Variants in WASHC2A observed in about 807,000 individuals in gnomAD.
WASHC2A encodes the protein WASH complex subunit FAM21A.
A neutral mutation model predicts 140.3 loss-of-function variants in WASHC2A; 82 were observed. The ratio of observed to expected loss-of-function variants is 0.58; its 90% confidence interval spans 0.49 to 0.70. WASHC2A has a LOEUF of 0.70. WASHC2A is among the 30% of genes least tolerant of loss of function. The pLI, the probability that WASHC2A is intolerant of heterozygous loss-of-function variation, is 0.00. For missense variants in WASHC2A, 985 were observed against 1,521.8 expected (o/e 0.65, Z 5.87); for synonymous variants, 340 against 560.8 (o/e 0.61, Z 5.56).
intron 17 of WASHC2A, among the ~76,000 whole-genome samples, chr10:50,103,723 A>AT (rs1190427904): frequency 2.6e-4 from 39 of 152,004 alleles, no homozygotes; most frequent in African/African-American, 8.7e-4. Context: ...TTATATATTT[A>AT]TTTTTTTAGC....
intron 3 of WASHC2A, among the ~76,000 whole-genome samples, chr10:50,070,269 G>A (rs1347373947): frequency 6.6e-6 from 1 of 152,092 alleles, no homozygotes; most frequent in Admixed American, 6.6e-5. Context: ...GAATACATAG[G>A]TAAATTAGAT....
In WASHC2A at chr10:50,072,660, T is replaced by C. The variant is rs1354594881; in HGVS notation, c.291+2949T>C. Among the ~76,000 whole-genome samples, 14 of 152,012 alleles carry C rather than the reference T, an allele frequency of 9.2e-5. 1 individual carries two copies. The highest frequency in any genetic ancestry group is 3.4e-4 in the African/African-American group (14 of 41,462). On this transcript the variant is annotated intron_variant, in intron 3 of 30. Transcript: ENST00000282633. ...CGCCACCACACCTGGCTAATTTTTT[T>C]TGCATTTTTAGTAGAGATGGGGTTT...
In WASHC2A at chr10:50,095,627, C is replaced by A; in HGVS notation, c.1269C>A (p.Ser423=). ...LGDTDVFGAA[S]VPSMKEPQKP... ...ACACGGATGTGTTTGGTGCTGCCTC[C>A]GTTCCATCAATGAAGGAGCCACAGA... Residue 423 remains serine, a synonymous_variant, in exon 15 of 31, where the codon TCC becomes TCA. Coordinates refer to ENST00000282633, the MANE Select transcript of WASHC2A (RefSeq NM_001005751.3). The A allele has an allele frequency of 3.1e-6, 5 of 1,611,880 alleles. No homozygotes were observed. The highest frequency in any genetic ancestry group is 4.2e-6 in the Non-Finnish European group (5 of 1,179,840).
chr10:50,098,041 A>G (rs1840666082), intron 16 of WASHC2A, among the ~76,000 whole-genome samples: 2 of 151,518 alleles, frequency 1.3e-5, no homozygotes, highest in African/African-American at 4.8e-5. Context: ...TTTTTCCTGA[A>G]CTATTTGCAT....
chr10:50,070,592 A>AT (rs1837711961), intron 3 of WASHC2A, among the ~76,000 whole-genome samples: 1 of 147,736 alleles, frequency 6.8e-6, no homozygotes, highest in Non-Finnish European at 1.5e-5. Context: ...ATGTTTGTGC[A>AT]TTTTTTAATA....
Position 50,132,931 on chromosome 10 carries a change from T to A in WASHC2A, c.4012T>A (p.Phe1338Ile). 5 of 1,612,036 alleles carry A rather than the reference T, an allele frequency of 3.1e-6. No homozygotes were observed. Among genetic ancestry groups the A allele is most frequent in the Non-Finnish European group, 4.2e-6 (5 of 1,179,858 alleles). The change falls in exon 31 of 31, where the codon TTT becomes ATT. Residue 1338 changes from phenylalanine to isoleucine, a missense_variant. Phe to Ile is a conservative substitution (Grantham distance 21). Transcript: ENST00000282633. ...SNIFDDPLNA[F>I]GGQ ...CATCTTTGATGATCCCCTGAATGCC[T>A]TTGGAGGCCAGTAGAGCACACAGGG...
In WASHC2A at chr10:50,125,407, T is replaced by C; in HGVS notation, c.2646T>C (p.Asp882=). 4 of 1,609,040 alleles carry C rather than the reference T, an allele frequency of 2.5e-6. No homozygotes were observed. The highest frequency in any genetic ancestry group is 3.4e-6 in the Non-Finnish European group (4 of 1,177,952). ...EPSVGSLFGD[D]EDDDLFSSAK... ...GTGTTGGGAGCCTGTTTGGGGATGA[T>C]GAAGATGATGATCTTTTCAGCTCTG... The change falls in exon 25 of 31, where the codon GAT becomes GAC. Residue 882 remains aspartate, a synonymous_variant. Coordinates refer to ENST00000282633, the MANE Select transcript of WASHC2A (RefSeq NM_001005751.3).
At position 50,090,853 on chromosome 10, in the gene WASHC2A, A is replaced by G. The variant is rs1839866390; in HGVS notation, c.810A>G (p.Glu270=). ...DLFADSEKEE[E]DIEDIEENTR... ...TCGCTGACTCTGAGAAGGAGGAGGA[A>G]GATATTGAGGACATTGAAGAAAATA... Residue 270 remains glutamate (E), a synonymous_variant, in exon 9 of 31, where the codon GAA becomes GAG. Transcript: ENST00000282633. 1 of 1,611,566 alleles carries G rather than the reference A, an allele frequency of 6.2e-7. No individual in the cohort carries two copies.
At chr10:50,094,280 T>C (rs1840218488) in intron 13 of WASHC2A, among the ~76,000 whole-genome samples, 1 of 148,984 alleles carries the variant, frequency 6.7e-6, no homozygotes, top group African/African-American at 2.5e-5. Context: ...CCCAACCCAG[T>C]GTGCATTAAA....
chr10:50,126,334 C>T (rs1442957235), intron 26 of WASHC2A, 155 bp downstream of exon 26: 37 of 1,340,708 alleles, frequency 2.8e-5, no homozygotes, highest in Non-Finnish European at 3.8e-5. Flanking sequence ...CCCCCCAAGT[C>T]ATCTCCCCTC....
intron 6 of WASHC2A, among the ~76,000 whole-genome samples, chr10:50,084,441 C>CT (rs1173641831): frequency 1.4e-5 from 2 of 145,476 alleles, no homozygotes; most frequent in African/African-American, 5.1e-5. Flanking sequence ...TTGTCTTTTT[C>CT]TTTTTTTGAG....
chr10:50,110,395 G>T, intron 20 of WASHC2A, 125 bp downstream of exon 20: 1 of 1,318,674 alleles, frequency 7.6e-7, no homozygotes, highest in Non-Finnish European at 1.1e-6. Context: ...GTGCCAGTGA[G>T]AATGTCTTTG....
intron 11 of WASHC2A, 146 bp downstream of exon 11, chr10:50,092,379 T>C: frequency 6.5e-7 from 1 of 1,532,388 alleles, no homozygotes; most frequent in South Asian, 1.2e-5. Flanking sequence ...GCCTCTGGGC[T>C]GGGCGCGGTG....
chr10:50,068,071 G>A lies in WASHC2A; in HGVS notation c.4-34G>A, dbSNP rs782612511. ...GGGGCCGCCGTCCCTGCCGCCCTCA[G>A]GCTCAGCTTCTCTTCTCGTTTTTTT... is the stretch of plus-strand genomic sequence containing the variant. On this transcript the variant is annotated intron_variant, in intron 1 of 30. Transcript: ENST00000282633. 5 of 1,609,284 alleles carry A rather than the reference G, an allele frequency of 3.1e-6. No individual in the cohort carries two copies. In the South Asian group the frequency reaches 5.5e-5, roughly 18 times the overall value.
chr10:50,114,811 G>A (rs369384560), intron 21 of WASHC2A, among the ~76,000 whole-genome samples: 237 of 11,838 alleles, frequency 0.02, 2 homozygotes, highest in African/African-American at 0.039. Context: ...GTTAAATGGA[G>A]TTGCTCAGCT....
At chr10:50,105,702 T>G (rs75706452) in intron 18 of WASHC2A, among the ~76,000 whole-genome samples, 39,553 of 148,168 alleles carry the variant, frequency 0.27, 5,997 homozygotes, top group Middle Eastern at 0.41. Context: ...AGCACCTTAA[T>G]AAATATAACT....
chr10:50,105,211 T>A (rs1841635824), intron 18 of WASHC2A, among the ~76,000 whole-genome samples: 1 of 151,804 alleles, frequency 6.6e-6, no homozygotes, highest in African/African-American at 2.4e-5. Context: ...CCATCCTGGC[T>A]GGAGAGAGCA....
chr10:50,093,133 A>G, intron 11 of WASHC2A, 135 bp from the exon 12 acceptor site: 1 of 483,908 alleles, frequency 2.1e-6, no homozygotes, highest in Non-Finnish European at 4.0e-6. Flanking sequence ...AATTCATCAG[A>G]CTGCCTCACA....
At chr10:50,095,576 C>T (rs782216617) in intron 14 of WASHC2A, 23 bp from the exon 15 acceptor site, 1 of 1,611,898 alleles carries the variant, frequency 6.2e-7, no homozygotes, top group African/African-American at 1.3e-5. Flanking sequence ...ACAGCTGTGG[C>T]TGTCTTGTCT....
Sources: allele counts gnomAD v4.1 joint callset (sites outside exome capture counted in the v4.1 genomes callset), GRCh38; gene constraint gnomAD v4.1.1; transcripts MANE v1.5; gene names NCBI Gene and HGNC (gene_info 2026-07-23, HGNC 2026-07-21).